The following DUSP12 variants were observed in gnomAD, a reference collection of about 807,000 sequenced individuals.
DUSP12 encodes dual specificity phosphatase 12, also known as dual specificity protein phosphatase 12.
DUSP12 carries 25 observed loss-of-function variants against 38.9 expected under a neutral mutation model. The observed-to-expected ratio is 0.64, with a 90% CI of 0.47 to 0.90. The LOEUF is 0.90. Ranked by LOEUF, DUSP12 falls within the 40% of genes least tolerant of loss-of-function variation. The probability of loss-of-function intolerance (pLI) is 0.00; values close to 1 mark genes in which losing one functional copy is unlikely to be tolerated. For synonymous variants in DUSP12, 153 were observed against 153.9 expected, an observed-to-expected ratio of 0.99 and a Z score of 0.05; for missense variants, 403 against 427.0, an observed-to-expected ratio of 0.94 and a Z score of 0.50.
chr1:161,757,031 G>T lies in DUSP12; in HGVS notation c.*84G>T. 7.6e-7 allele frequency: 1 copy of T among 1,319,538 alleles called. No homozygotes were observed. Among genetic ancestry groups the T allele is most frequent in the African/African-American group, 1.5e-5 (1 of 67,982 alleles). 81.7% of individuals were successfully genotyped at this position (1,319,538 alleles called of 1,614,324 possible). On this transcript the variant is annotated 3_prime_UTR_variant, in exon 6 of 6. Transcript: ENST00000367943. Reference sequence around the variant, plus strand: ...TTATCATTCATGGCAGATTGTTTGTGCTTTCAACATTTCATTTGAAATGGG... The same window carrying T: ...TTATCATTCATGGCAGATTGTTTGTTCTTTCAACATTTCATTTGAAATGGG...
At chr1:161,752,249 T>G (rs1037202081) in intron 3 of DUSP12, 119 bp from the exon 4 acceptor site, 75 of 806,994 alleles carry the variant, frequency 9.3e-5, no homozygotes, top group Admixed American at 1.3e-4. Context: ...GAATTTGATT[T>G]TTTTTTTTTT....
In DUSP12 at chr1:161,751,896, A is replaced by T; in HGVS notation, c.489A>T (p.Lys163Asn). 1 of 1,613,216 alleles carries T rather than the reference A, an allele frequency of 6.2e-7. No individual in the cohort carries two copies. Among genetic ancestry groups the T allele is most frequent in the Non-Finnish European group, 8.5e-7 (1 of 1,179,644 alleles). The stretch of plus-strand genomic sequence containing the variant: ...ATGAGGGGTTTGAGTGGCAACTGAA[A>T]TTATACCAGGCAATGGGATACGAAG... ...KMNEGFEWQL[K>N]LYQAMGYEVD... Residue 163 changes from lysine to asparagine, a missense_variant, in exon 3 of 6, where the codon AAA (lysine) becomes AAT (asparagine). Physicochemically the swap from Lys to Asn is moderately conservative, Grantham distance 94. Transcript: ENST00000367943.
At position 161,751,846 on chromosome 1, in the gene DUSP12, A is replaced by AT. The variant is rs1470996119; in HGVS notation, c.459-19dup. ...TATAATTTTAAGAAAATGAAACTTT[A>AT]TATTTCTTTATCATTACAGGATGAA... On this transcript the variant is annotated intron_variant, in intron 2 of 5. Coordinates refer to ENST00000367943, the MANE Select transcript of DUSP12 (RefSeq NM_007240.3). The AT allele has an allele frequency of 6.2e-7, 1 of 1,603,338 alleles. No homozygotes were observed. Among genetic ancestry groups the AT allele is most frequent in the Admixed American group, 1.7e-5 (1 of 58,224 alleles).
intron 1 of DUSP12, 115 bp downstream of exon 1, chr1:161,750,260 T>TCCTCCCGCTG (rs746839314): frequency 2.5e-4 from 287 of 1,146,480 alleles, no homozygotes; most frequent in Non-Finnish European, 2.5e-4. Context: ...CGCGTGAACC[T>TCCTCCCGCTG]CCTCCCGCTG....
chr1:161,750,711 G>A (rs1312083028), intron 1 of DUSP12, among the ~76,000 whole-genome samples: 1 of 152,096 alleles, frequency 6.6e-6, no homozygotes, highest in Non-Finnish European at 1.5e-5. Context: ...TGGGAGGCAG[G>A]AGGATCACAA....
At chr1:161,753,298 T>C (rs752942547) in intron 5 of DUSP12, 37 bp downstream of exon 5, 24 of 1,473,360 alleles carry the variant, frequency 1.6e-5, no homozygotes, top group Admixed American at 4.5e-5. Flanking sequence ...TTTTATTTTA[T>C]GATCTATATT....
intron 4 of DUSP12, 47 bp from the exon 5 acceptor site, chr1:161,753,028 C>T (rs774530810): frequency 1.3e-6 from 2 of 1,495,092 alleles, no homozygotes; most frequent in Non-Finnish European, 1.8e-6. Flanking sequence ...TCCATGTTTT[C>T]ATCCTTTTGG....
At chr1:161,756,191 C>G (rs1337951909) in intron 5 of DUSP12, among the ~76,000 whole-genome samples, 1 of 151,982 alleles carries the variant, frequency 6.6e-6, no homozygotes, top group Non-Finnish European at 1.5e-5. Flanking sequence ...TTCTATAGCT[C>G]AAGATTAAAA....
At chr1:161,754,129 G>A (rs1426469088) in intron 5 of DUSP12, among the ~76,000 whole-genome samples, 1 of 152,134 alleles carries the variant, frequency 6.6e-6, no homozygotes, top group Non-Finnish European at 1.5e-5. Flanking sequence ...TTGAAAGTTT[G>A]TATGGTTTGT....
Position 161,749,881 on chromosome 1 carries a change from T to G in DUSP12, c.80T>G (p.Met27Arg), listed in dbSNP as rs1214830813. The change falls in exon 1 of 6, where the codon ATG becomes AGG. Residue 27 changes from methionine (M) to arginine (R), a missense_variant. Physicochemically the swap from Met to Arg is moderately conservative, Grantham distance 91 (BLOSUM62 -1). Transcript: ENST00000367943. ...AGCAGAGTCAGCTGTGCCGGGCAGA[T>G]GCTGGAAGTGCAGCCAGGATTGTAT... The part of the protein sequence containing the change: ...SASRVSCAGQ[M>R]LEVQPGLYFG... 3.1e-6 allele frequency: 5 copies of G among 1,612,672 alleles called. No homozygotes were observed. The South Asian group carries it at 4.4e-5, about 14-fold the overall frequency.
intron 4 of DUSP12, among the ~76,000 whole-genome samples, 158 bp from the exon 5 acceptor site, chr1:161,752,917 G>A (rs1397646243): frequency 3.9e-5 from 6 of 152,018 alleles, no homozygotes; most frequent in African/African-American, 9.7e-5. Context: ...TTGAACCCAG[G>A]AGGCGGAGGT....
In DUSP12 at chr1:161,752,384, T is replaced by G. The variant is rs748740198; in HGVS notation, c.594T>G (p.Pro198=). The G allele has an allele frequency of 6.2e-7, 1 of 1,611,464 alleles. No homozygotes were observed. The highest frequency in any genetic ancestry group is 2.2e-5 in the East Asian group (1 of 44,834). The change falls in exon 4 of 6, where the codon CCT becomes CCG. Residue 198 remains proline (P), a synonymous_variant. Coordinates refer to ENST00000367943, the MANE Select transcript of DUSP12 (RefSeq NM_007240.3). ...GTCATATAGAATTGCAGAATTTACC[T>G]CAAGAACTCTTTGCTGTTGACCCAA... The part of the protein sequence containing the change: ...TEKYPELQNL[P]QELFAVDPTT...
Position 161,750,017 on chromosome 1 carries a change from C to T in DUSP12, c.216C>T (p.Val72=). 1 of 1,613,990 alleles carries T rather than the reference C, an allele frequency of 6.2e-7. No individual in the cohort carries two copies. The highest frequency in any genetic ancestry group is 1.3e-5 in the African/African-American group (1 of 75,048). ...CCAGCTTCAAGGCGGGGCCTGGGGT[C>T]GAGGATCTATGGCGCCTCTTCGTGC... ...EEPSFKAGPG[V]EDLWRLFVPA... is the part of the protein sequence containing the mutation. The change falls in exon 1 of 6, where the codon GTC becomes GTT. Residue 72 remains valine, a synonymous_variant. Transcript: ENST00000367943.
chr1:161,753,413 C>A, intron 5 of DUSP12, 152 bp downstream of exon 5: 1 of 612,722 alleles, frequency 1.6e-6, no homozygotes, highest in Non-Finnish European at 2.4e-6. Flanking sequence ...ATAAGACTAT[C>A]AAAAATAAAA....
In DUSP12 at chr1:161,752,387, A is replaced by G. The variant is rs537560534; in HGVS notation, c.597A>G (p.Gln199=). 1.7e-5 allele frequency: 28 copies of G among 1,612,220 alleles called. No homozygotes were observed. In the South Asian group the frequency reaches 3.1e-4, roughly 18 times the overall value. Reference sequence around the variant, plus strand: ...ATATAGAATTGCAGAATTTACCTCAAGAACTCTTTGCTGTTGACCCAACTA... The same window carrying G: ...ATATAGAATTGCAGAATTTACCTCAGGAACTCTTTGCTGTTGACCCAACTA... ...EKYPELQNLP[Q]ELFAVDPTTV... is the part of the protein sequence containing the mutation. Residue 199 remains glutamine, a synonymous_variant, in exon 4 of 6, where the codon CAA becomes CAG. Transcript: ENST00000367943.
At chr1:161,752,956 CTCTA>C (rs1684048828) in intron 4 of DUSP12, 115 bp from the exon 5 acceptor site, 5 of 1,067,314 alleles carry the variant, frequency 4.7e-6, no homozygotes, top group Middle Eastern at 4.9e-4. Flanking sequence ...CGCCACTGCA[CTCTA>C]GCATGGGCGA....
rs1684120658 is a variant in DUSP12, at chr1:161,756,965, T to G, written c.*18T>G. The G allele has an allele frequency of 5.6e-6, 9 of 1,606,806 alleles. No homozygotes were observed. Among genetic ancestry groups the G allele is most frequent in the Non-Finnish European group, 7.7e-6 (9 of 1,174,838 alleles). On this transcript the variant is annotated 3_prime_UTR_variant, in exon 6 of 6. Coordinates refer to ENST00000367943, the MANE Select transcript of DUSP12 (RefSeq NM_007240.3). Reference sequence around the variant, plus strand: ...AAATATGAACATGATATTTTATAGCTTGGGAAGAAACTTGCAGATGATATG... The same window carrying G: ...AAATATGAACATGATATTTTATAGCGTGGGAAGAAACTTGCAGATGATATG...
intron 1 of DUSP12, 89 bp downstream of exon 1, chr1:161,750,234 A>T (rs984226960): frequency 4.2e-6 from 6 of 1,425,386 alleles, no homozygotes; most frequent in African/African-American, 1.4e-5. Flanking sequence ...TCGGGAGGAC[A>T]AGAGCGCGGT....
chr1:161,752,323 A>G (rs777661167), intron 3 of DUSP12, 45 bp from the exon 4 acceptor site: 2 of 1,347,506 alleles, frequency 1.5e-6, no homozygotes, highest in Admixed American at 3.6e-5. Context: ...CTGAAAATGC[A>G]GAGTTGATTT....
Sources: gnomAD v4.1 joint callset for allele counts (sites outside exome capture counted in the v4.1 genomes callset) on GRCh38, gnomAD v4.1.1 for gene constraint, MANE v1.5 for transcripts, NCBI Gene and HGNC (gene_info 2026-07-23, HGNC 2026-07-21) for gene names.